GPHN: variants seen among roughly 807,000 people sequenced by gnomAD.
GPHN encodes gephyrin.
A neutral mutation model predicts 95.5 loss-of-function variants in GPHN; 17 were observed. The ratio of observed to expected loss-of-function variants is 0.18; its 90% confidence interval spans 0.12 to 0.27. The LOEUF is 0.27. GPHN is among the 10% of genes least tolerant of loss of function. GPHN has a pLI of 1.00. For missense variants in GPHN, 660 were observed against 978.1 expected (o/e 0.67, Z 4.34); for synonymous variants, 320 against 322.5 (o/e 0.99, Z 0.08).
At chr14:67,451,731 C>G in the GPHN span, among the ~76,000 whole-genome samples, 20 of 152,274 alleles carry the variant, frequency 1.3e-4, no homozygotes, top group Non-Finnish European at 5.9e-5. Context: ...AAGGGGCTTG[C>G]CTTGTCTTGG....
chr14:67,512,186 C>T, the GPHN span, among the ~76,000 whole-genome samples: 59,073 of 152,092 alleles, frequency 0.39, 12,293 homozygotes, highest in Non-Finnish European at 0.46. Context: ...TCACACACCA[C>T]AGCCAGTGTG....
the GPHN span, among the ~76,000 whole-genome samples, chr14:67,302,969 T>TA: frequency 6.6e-6 from 1 of 152,228 alleles, no homozygotes; most frequent in Non-Finnish European, 1.5e-5. Context: ...TAATATTAGA[T>TA]AATAACAGTG....
intron 4 of GPHN, among the ~76,000 whole-genome samples, chr14:66,862,952 C>T (rs1045169746): frequency 6.6e-6 from 1 of 151,988 alleles, no homozygotes; most frequent in Admixed American, 6.5e-5. Flanking sequence ...TATTATTCAG[C>T]GTACTACTGG....
At chr14:66,645,804 A>T (rs2064715517) in intron 1 of GPHN, among the ~76,000 whole-genome samples, 1 of 151,940 alleles carries the variant, frequency 6.6e-6, no homozygotes, top group Non-Finnish European at 1.5e-5. Context: ...TGTGTCTCTC[A>T]TTAGATACTC....
At chr14:66,646,257 A>G (rs902457980) in intron 1 of GPHN, among the ~76,000 whole-genome samples, 2 of 152,192 alleles carry the variant, frequency 1.3e-5, no homozygotes, top group Non-Finnish European at 2.9e-5. Flanking sequence ...GTGAGATATT[A>G]CCTCACACAC....
chr14:66,578,846 A>G (rs1334650213), intron 1 of GPHN, among the ~76,000 whole-genome samples: 1 of 151,802 alleles, frequency 6.6e-6, no homozygotes, highest in African/African-American at 2.4e-5. Context: ...GCTGAAAGAA[A>G]AGGATGGTAA....
intron 1 of GPHN, among the ~76,000 whole-genome samples, chr14:66,581,137 A>G (rs2061147974): frequency 6.6e-6 from 1 of 151,742 alleles, no homozygotes; most frequent in Admixed American, 6.6e-5. Context: ...GCAGCAAGTT[A>G]GGTATAGAGG....
intron 9 of GPHN, among the ~76,000 whole-genome samples, chr14:67,012,226 T>A (rs2073054954): frequency 6.6e-6 from 1 of 152,216 alleles, no homozygotes; most frequent in South Asian, 2.1e-4. Context: ...TAGGGATAGA[T>A]TTAACAGTCA....
chr14:67,259,881 A>G, the GPHN span, among the ~76,000 whole-genome samples: 1 of 70,988 alleles, frequency 1.4e-5, no homozygotes, highest in Non-Finnish European at 2.3e-5. Flanking sequence ...TCCATCTAAG[A>G]AAAAAAAAAA....
the GPHN span, among the ~76,000 whole-genome samples, chr14:67,349,611 G>A: frequency 6.6e-6 from 1 of 152,186 alleles, no homozygotes; most frequent in Admixed American, 6.5e-5. Flanking sequence ...GAGGCAGGAG[G>A]ATTGTTTGAG....
At chr14:67,682,187 T>C in the GPHN span, among the ~76,000 whole-genome samples, 7 of 152,176 alleles carry the variant, frequency 4.6e-5, no homozygotes, top group Admixed American at 3.3e-4. Flanking sequence ...CTAAAGACAG[T>C]AGTAAATCTT....
chr14:67,204,520 C>T, the GPHN span: 45 of 1,606,918 alleles, frequency 2.8e-5, no homozygotes, highest in South Asian at 2.0e-4. Flanking sequence ...ATGATGTTAC[C>T]GTGTGCTTGT....
chr14:66,989,827 TA>T (rs1314282628), intron 9 of GPHN, among the ~76,000 whole-genome samples: 4 of 152,122 alleles, frequency 2.6e-5, no homozygotes, highest in Non-Finnish European at 4.4e-5. Flanking sequence ...AAATTGATGC[TA>T]AAAAGAAAAA....
intron 1 of GPHN, among the ~76,000 whole-genome samples, chr14:66,618,239 G>T (rs2063133031): frequency 1.3e-5 from 2 of 152,088 alleles, no homozygotes; most frequent in African/African-American, 4.8e-5. Context: ...TAAGTGCTAG[G>T]TGTTATTTAT....
chr14:67,025,016 G>C (rs929789045), intron 10 of GPHN, among the ~76,000 whole-genome samples: 1 of 152,040 alleles, frequency 6.6e-6, no homozygotes, highest in Non-Finnish European at 1.5e-5. Flanking sequence ...AAATTCCTCT[G>C]AGCCCCTTTG....
the GPHN span, chr14:67,224,622 TA>T: frequency 6.6e-6 from 2 of 303,640 alleles, no homozygotes; most frequent in East Asian, 1.1e-4. Context: ...CCTTAACTTT[TA>T]AATTTTTTTT....
chr14:67,513,699 G>A, the GPHN span, among the ~76,000 whole-genome samples: 4 of 152,178 alleles, frequency 2.6e-5, no homozygotes, highest in African/African-American at 4.8e-5. Flanking sequence ...CATTCACACA[G>A]GCAGGCGGGA....
At chr14:66,973,973 C>G (rs1250694380) in intron 9 of GPHN, among the ~76,000 whole-genome samples, 1 of 152,168 alleles carries the variant, frequency 6.6e-6, no homozygotes, top group Non-Finnish European at 1.5e-5. Flanking sequence ...CAATACTCAG[C>G]TAATATTCTT....
chr14:66,568,256 T>A (rs936185147), intron 1 of GPHN, among the ~76,000 whole-genome samples: 1 of 152,174 alleles, frequency 6.6e-6, no homozygotes, highest in Admixed American at 6.5e-5. Context: ...TTCACCATAT[T>A]TGATATTTGA....
Sources: gnomAD v4.1 joint callset for allele counts (sites outside exome capture counted in the v4.1 genomes callset) on GRCh38, gnomAD v4.1.1 for gene constraint, MANE v1.5 for transcripts, NCBI Gene and HGNC (gene_info 2026-07-23, HGNC 2026-07-21) for gene names.